The following PWWP2A variants were observed in gnomAD, a reference collection of about 807,000 sequenced individuals.
The protein encoded by PWWP2A is PWWP domain containing 2A.
PWWP2A carries 18 observed loss-of-function variants against 48.5 expected under a neutral mutation model. That is an observed-to-expected ratio of 0.37 (90% confidence interval 0.26 to 0.55). The LOEUF is 0.55. Ranked by LOEUF, PWWP2A falls within the 20% of genes least tolerant of loss-of-function variation. The pLI, the probability that PWWP2A is intolerant of heterozygous loss-of-function variation, is 0.81. For missense variants in PWWP2A, 867 were observed against 976.4 expected (o/e 0.89, Z 1.49); for synonymous variants, 396 against 387.7 (o/e 1.02, Z -0.25).
intron 2 of PWWP2A, among the ~76,000 whole-genome samples, chr5:160,069,342 C>CAGAG (rs1248266957): frequency 1.3e-5 from 2 of 152,076 alleles, no homozygotes; most frequent in Non-Finnish European, 2.9e-5. Context: ...CAGTGGGAGA[C>CAGAG]AGAGACAACA....
chr5:160,064,833 C>CT, intron 4 of PWWP2A: 1 of 1,306,276 alleles, frequency 7.7e-7, no homozygotes, highest in South Asian at 1.4e-5. Context: ...CAAAGAGATA[C>CT]TTTTATATTT....
Position 160,091,777 on chromosome 5 carries a change from C to CAACCT in PWWP2A, c.*604_*605insAGGTT. ...ATTTCCCCAGTCTGTAACTGAATTGCAACCATCTGTTTGTCAAACACCTAA... is the reference window on the plus strand; with the variant it reads ...ATTTCCCCAGTCTGTAACTGAATTGCAACCTAACCATCTGTTTGTCAAACACCTAA... On this transcript the variant is annotated 3_prime_UTR_variant, in exon 2 of 2. Coordinates refer to ENST00000307063, the MANE Select transcript of PWWP2A (RefSeq NM_001130864.2). The CAACCT allele has an allele frequency of 1.0e-6, 1 of 985,172 alleles. No individual in the cohort carries two copies. Among genetic ancestry groups the CAACCT allele is most frequent in the Non-Finnish European group, 1.2e-6 (1 of 829,852 alleles). The allele number at this position is 985,172 out of a possible 1,614,324, so 61.0% of individuals were successfully genotyped here. A position where few individuals can be genotyped will look rare whatever the true frequency, so the allele number is the denominator to read the frequency against.
In PWWP2A at chr5:160,093,655, T is replaced by C. The variant is rs1357337200; in HGVS notation, c.995A>G (p.Glu332Gly). 1 of 1,614,076 alleles carries C rather than the reference T, an allele frequency of 6.2e-7. No homozygotes were observed. Among genetic ancestry groups the C allele is most frequent in the Non-Finnish European group, 8.5e-7 (1 of 1,179,900 alleles). The change falls in exon 2 of 2, where the codon GAA becomes GGA. Residue 332 changes from glutamate to glycine, a missense_variant. Around this residue, in one of 4 missense-constraint regions of PWWP2A, gnomAD observed 382 missense variants for 407.2 expected, o/e 0.94. Coordinates refer to ENST00000307063, the MANE Select transcript of PWWP2A (RefSeq NM_001130864.2). This position sits in a 1 kb window ranked among gnomAD's most constrained non-coding sequence, Gnocchi z 5.8. ...ACTACCTTTTCTAATTTCCTTTTTT[T>C]CAGCAACAACACTGTTTTTACATTT... is the stretch of plus-strand genomic sequence containing the variant. ...CDKCKNSVVA[E>G]KKEIRKGSSA...
At chr5:160,068,471 C>T (rs999192772) in intron 2 of PWWP2A, among the ~76,000 whole-genome samples, 52 of 150,684 alleles carry the variant, frequency 3.5e-4, no homozygotes, top group Non-Finnish European at 2.4e-4. Context: ...TGGTGGCGGG[C>T]GCCTGTAATC....
At chr5:160,080,797 AAAAT>A in intron 2 of PWWP2A, 2 of 1,488,302 alleles carry the variant, frequency 1.3e-6, no homozygotes, top group Non-Finnish European at 1.8e-6. Context: ...CAAGTTAACA[AAAAT>A]AAAGCATTCG....
chr5:160,102,157 T>TC, intron 1 of PWWP2A, among the ~76,000 whole-genome samples: 1 of 139,204 alleles, frequency 7.2e-6, no homozygotes, highest in East Asian at 2.2e-4. Context: ...CTCACGCTTG[T>TC]AACACTTTGG....
downstream of PWWP2A, among the ~76,000 whole-genome samples, chr5:160,088,603 C>A (rs1754830331): frequency 6.6e-6 from 1 of 152,072 alleles, no homozygotes; most frequent in Non-Finnish European, 1.5e-5. Context: ...AAGAAGAATA[C>A]CAAAACAAAA....
the PWWP2A span, chr5:160,049,654 G>C: frequency 1.3e-6 from 2 of 1,574,250 alleles, no homozygotes; most frequent in Non-Finnish European, 1.7e-6. Context: ...AGCAAGAGAA[G>C]CTTGTATGGT....
chr5:160,070,332 G>A (rs1287602891), intron 2 of PWWP2A, among the ~76,000 whole-genome samples: 1 of 152,018 alleles, frequency 6.6e-6, no homozygotes, highest in Non-Finnish European at 1.5e-5. Context: ...ACCAAGCAAG[G>A]CATGGTGGCA....
At chr5:160,054,172 G>T in the PWWP2A span, among the ~76,000 whole-genome samples, 2 of 152,200 alleles carry the variant, frequency 1.3e-5, no homozygotes, top group African/African-American at 4.8e-5. Context: ...GGACTTAAGG[G>T]TATGTGTGGT....
At chr5:160,072,593 G>A (rs1441067269), downstream of PWWP2A, among the ~76,000 whole-genome samples, 1 of 152,136 alleles carries the variant, frequency 6.6e-6, no homozygotes, top group Non-Finnish European at 1.5e-5. Flanking sequence ...AGCTCGGGGT[G>A]GTAGTGCACA....
chr5:160,108,082 A>G (rs1346631567), intron 1 of PWWP2A, among the ~76,000 whole-genome samples: 3 of 152,108 alleles, frequency 2.0e-5, no homozygotes, highest in African/African-American at 7.2e-5. Flanking sequence ...TGTATAAAAT[A>G]TATTTTTAAG....
intron 2 of PWWP2A, among the ~76,000 whole-genome samples, chr5:160,067,053 C>T (rs1258722031): frequency 2.6e-5 from 4 of 152,006 alleles, no homozygotes; most frequent in Non-Finnish European, 4.4e-5. Flanking sequence ...AAAAGTTTTA[C>T]TGAAATTTTT....
chr5:160,090,129 G>A (rs2113513918), downstream of PWWP2A: 3 of 984,804 alleles, frequency 3.0e-6, no homozygotes, highest in Non-Finnish European at 2.4e-6. Flanking sequence ...TCAAAGGTGT[G>A]TTCTACAAAA....
At chr5:160,117,899 G>C (rs747685405) in intron 1 of PWWP2A, 31 of 983,278 alleles carry the variant, frequency 3.2e-5, no homozygotes, top group Non-Finnish European at 3.6e-5. Flanking sequence ...ATGGAAAGCC[G>C]TGAATGGGAG....
intron 4 of PWWP2A, among the ~76,000 whole-genome samples, chr5:160,064,726 G>T (rs984415938): frequency 6.6e-6 from 1 of 152,214 alleles, no homozygotes; most frequent in Non-Finnish European, 1.5e-5. Flanking sequence ...GCTGAGGGTG[G>T]ATGGCATTAA....
downstream of PWWP2A, chr5:160,089,783 C>G: frequency 1.0e-6 from 1 of 985,434 alleles, no homozygotes; most frequent in Non-Finnish European, 1.2e-6. Flanking sequence ...AGCCAGTTTA[C>G]TCCCACTCCA....
At chr5:160,097,725 T>C (rs1441412274) in intron 1 of PWWP2A, among the ~76,000 whole-genome samples, 1 of 147,724 alleles carries the variant, frequency 6.8e-6, no homozygotes, top group Non-Finnish European at 1.5e-5. Context: ...GGGCGGTTGT[T>C]TTGTTTTTTT....
rs569524774 is a variant in PWWP2A at position 160,113,073 on chromosome 5, G to A, written c.584+5732C>T. 183 of 211,266 alleles carry A rather than the reference G, an allele frequency of 8.7e-4. 2 individuals carry two copies. The highest frequency in any genetic ancestry group is 4.2e-3 in the African/African-American group (177 of 42,496). The allele number at this position is 211,266 out of a possible 1,614,324, so 13.1% of individuals were successfully genotyped here. A position where few individuals can be genotyped will look rare whatever the true frequency, so the allele number is the denominator to read the frequency against. On this transcript the variant is annotated intron_variant, in intron 1 of 1. Coordinates refer to ENST00000307063, the MANE Select transcript of PWWP2A (RefSeq NM_001130864.2). ...ACTCAGGAGGCTGAGGCAGGGAACTGCTTGAACCACGGAGATGGAGGTTGC... is the reference window on the plus strand; with the variant it reads ...ACTCAGGAGGCTGAGGCAGGGAACTACTTGAACCACGGAGATGGAGGTTGC...
Sources: allele counts gnomAD v4.1 joint callset (sites outside exome capture counted in the v4.1 genomes callset), GRCh38; gene constraint gnomAD v4.1.1; regional missense constraint gnomAD v4.1.1; non-coding constraint Gnocchi (gnomAD v3.1); transcripts MANE v1.5; gene names NCBI Gene and HGNC (gene_info 2026-07-23, HGNC 2026-07-21).